The following MTHFD2L variants were observed in gnomAD, a reference collection of about 807,000 sequenced individuals.
MTHFD2L encodes bifunctional methylenetetrahydrofolate dehydrogenase/cyclohydrolase 2, mitochondrial.
Under a neutral mutation model 34.9 loss-of-function variants are expected in MTHFD2L, and 29 were observed. The ratio of observed to expected loss-of-function variants is 0.83; its 90% CI spans 0.62 to 1.13. The LOEUF (loss-of-function observed/expected upper bound fraction) is 1.13, where lower values mean the gene tolerates loss of function less well. Among genes scored for constraint, MTHFD2L ranks in the 50% most tolerant of loss-of-function variants. The pLI is 0.00. For synonymous variants in MTHFD2L, 167 were observed against 155.7 expected, an observed-to-expected ratio of 1.07 and a Z score of -0.54; for missense variants, 481 against 446.5, an observed-to-expected ratio of 1.08 and a Z score of -0.70.
intron 7 of MTHFD2L, chr4:74,293,369 C>T (rs533266227): frequency 1.6e-5 from 3 of 192,436 alleles, no homozygotes; most frequent in Non-Finnish European, 2.9e-5. Flanking sequence ...CAGATATATA[C>T]AGATTTAATT....
intron 2 of MTHFD2L, among the ~76,000 whole-genome samples, chr4:74,116,449 A>C (rs563054280): frequency 2.8e-4 from 42 of 152,318 alleles, no homozygotes; most frequent in Non-Finnish European, 5.0e-4. Flanking sequence ...GAGAGAAAAA[A>C]AAGCAGTCCT....
intron 6 of MTHFD2L, among the ~76,000 whole-genome samples, chr4:74,272,702 A>T (rs1450873709): frequency 1.3e-5 from 2 of 152,128 alleles, no homozygotes; most frequent in African/African-American, 4.8e-5. Context: ...CAAAATGTTC[A>T]ACAGGGTGCT....
chr4:74,277,772 TG>T (rs1276579568), intron 6 of MTHFD2L, among the ~76,000 whole-genome samples: 3 of 152,030 alleles, frequency 2.0e-5, no homozygotes, highest in Non-Finnish European at 4.4e-5. Context: ...CTATAGTTAT[TG>T]GGGTTTTCTC....
intron 7 of MTHFD2L, among the ~76,000 whole-genome samples, chr4:74,288,740 G>A (rs1187813384): frequency 6.6e-6 from 1 of 152,104 alleles, no homozygotes; most frequent in Admixed American, 6.6e-5. Flanking sequence ...CTTACCCTGA[G>A]CTTTCCATGG....
intron 6 of MTHFD2L, among the ~76,000 whole-genome samples, chr4:74,258,231 C>T (rs1402346640): frequency 6.6e-6 from 1 of 152,114 alleles, no homozygotes; most frequent in Non-Finnish European, 1.5e-5. Flanking sequence ...CTTCTAAGTA[C>T]GTAGCCTATG....
chr4:74,214,398 T>C (rs1736845554), intron 5 of MTHFD2L, among the ~76,000 whole-genome samples: 1 of 151,834 alleles, frequency 6.6e-6, no homozygotes, highest in Admixed American at 6.5e-5. Flanking sequence ...GGTTTTTGTG[T>C]GGACGTCCTG....
intron 1 of MTHFD2L, among the ~76,000 whole-genome samples, chr4:74,144,745 T>C (rs2109842202): frequency 1.3e-5 from 2 of 152,302 alleles, no homozygotes; most frequent in South Asian, 4.2e-4. Flanking sequence ...GTTGGCTTTG[T>C]TTTTTCTCTG....
At chr4:74,116,831 G>C (rs1316534848) in intron 2 of MTHFD2L, among the ~76,000 whole-genome samples, 1 of 152,212 alleles carries the variant, frequency 6.6e-6, no homozygotes, top group Admixed American at 6.5e-5. Context: ...TGACACTAAA[G>C]TGGTAGTTTG....
At chr4:74,265,284 G>A (rs1745151106) in intron 6 of MTHFD2L, among the ~76,000 whole-genome samples, 1 of 152,172 alleles carries the variant, frequency 6.6e-6, no homozygotes, top group African/African-American at 2.4e-5. Context: ...CTGCTCTAAT[G>A]TGGGTTTGTG....
chr4:74,118,181 A>G (rs1393851747), intron 2 of MTHFD2L, among the ~76,000 whole-genome samples: 1 of 152,194 alleles, frequency 6.6e-6, no homozygotes, highest in Non-Finnish European at 1.5e-5. Flanking sequence ...TAAAATATCA[A>G]AAGTTAAAGA....
intron 7 of MTHFD2L, among the ~76,000 whole-genome samples, chr4:74,290,720 A>G (rs1748784829): frequency 6.6e-6 from 1 of 151,956 alleles, no homozygotes; most frequent in Non-Finnish European, 1.5e-5. Flanking sequence ...ATTAACCCAG[A>G]AGTATACAAC....
chr4:74,154,420 T>A (rs931250845), upstream of MTHFD2L, among the ~76,000 whole-genome samples: 3 of 152,136 alleles, frequency 2.0e-5, no homozygotes, highest in African/African-American at 7.2e-5. Flanking sequence ...TACATAAATT[T>A]TAGGAATTCT....
At chr4:74,181,670 C>G (rs1479597081) in intron 3 of MTHFD2L, 1 of 152,142 alleles carries the variant, frequency 6.6e-6, no homozygotes, top group Non-Finnish European at 1.5e-5. Context: ...CTATCTATTT[C>G]AAATGTTCTC....
intron 3 of MTHFD2L, among the ~76,000 whole-genome samples, chr4:74,193,383 T>C (rs1732909441): frequency 1.3e-5 from 2 of 152,312 alleles, no homozygotes; most frequent in South Asian, 4.1e-4. Flanking sequence ...TGAAGTCAGG[T>C]ATTATAAATC....
intron 6 of MTHFD2L, among the ~76,000 whole-genome samples, chr4:74,247,989 C>G (rs908245271): frequency 1.1e-4 from 17 of 152,096 alleles, no homozygotes; most frequent in Non-Finnish European, 2.5e-4. Context: ...ATGATGCTGG[C>G]CTCATAAAAT....
intron 7 of MTHFD2L, among the ~76,000 whole-genome samples, chr4:74,298,484 C>T (rs2110331328): frequency 6.6e-6 from 1 of 152,120 alleles, no homozygotes; most frequent in South Asian, 2.1e-4. Flanking sequence ...CCTCCTCCTC[C>T]ACCCAAACCT....
intron 1 of MTHFD2L, among the ~76,000 whole-genome samples, chr4:74,172,684 T>C (rs1400298154): frequency 6.6e-6 from 1 of 152,192 alleles, no homozygotes; most frequent in Non-Finnish European, 1.5e-5. Context: ...TTCTGAATTG[T>C]AGATGTGGAT....
intron 7 of MTHFD2L, among the ~76,000 whole-genome samples, chr4:74,294,157 T>A (rs1749344571): frequency 6.6e-6 from 1 of 152,178 alleles, no homozygotes; most frequent in African/African-American, 2.4e-5. Flanking sequence ...CAGTTCTTCT[T>A]TCTCCACTCC....
intron 6 of MTHFD2L, among the ~76,000 whole-genome samples, chr4:74,256,815 A>G (rs928311860): frequency 1.3e-5 from 2 of 152,122 alleles, no homozygotes; most frequent in African/African-American, 4.8e-5. Flanking sequence ...CTGTTTTTGT[A>G]CCAGCATCAT....
Sources: gnomAD v4.1 joint callset for allele counts (sites outside exome capture counted in the v4.1 genomes callset) on GRCh38, gnomAD v4.1.1 for gene constraint, MANE v1.5 for transcripts, NCBI Gene and HGNC (gene_info 2026-07-23, HGNC 2026-07-21) for gene names.